ZNF292: variants seen among roughly 807,000 people sequenced by gnomAD.
The protein encoded by ZNF292 is zinc finger protein 292.
Under a neutral mutation model 217.9 loss-of-function variants are expected in ZNF292, and 26 were observed. That is an observed-to-expected ratio of 0.12 (90% confidence interval 0.09 to 0.17). ZNF292 has a LOEUF of 0.17. Ranked by LOEUF, ZNF292 falls within the 10% of genes least tolerant of loss-of-function variation. The probability of loss-of-function intolerance (pLI) is 1.00; values close to 1 mark genes in which losing one functional copy is unlikely to be tolerated. For synonymous variants in ZNF292, 1,257 were observed against 1,124.1 expected, an observed-to-expected ratio of 1.12 and a Z score of -2.37; for missense variants, 2,904 against 3,175.2, an observed-to-expected ratio of 0.91 and a Z score of 2.05.
chr6:87,236,987 T>G (rs1014713489), intron 5 of ZNF292, among the ~76,000 whole-genome samples: 2 of 152,186 alleles, frequency 1.3e-5, no homozygotes, highest in African/African-American at 4.8e-5. Flanking sequence ...GAAGTGAAAT[T>G]GCTGGATCAA....
At chr6:87,238,079 G>T (rs1328240035) in intron 5 of ZNF292, among the ~76,000 whole-genome samples, 2 of 152,112 alleles carry the variant, frequency 1.3e-5, no homozygotes, top group Non-Finnish European at 2.9e-5. Context: ...TCATTAGTAT[G>T]CCTATGAGAA....
At chr6:87,177,007 A>G (rs7757827) in intron 1 of ZNF292, among the ~76,000 whole-genome samples, 1 of 151,420 alleles carries the variant, frequency 6.6e-6, no homozygotes, top group African/African-American at 2.4e-5. Context: ...CCGGCCCCCC[A>G]CTCCTCCCCA....
intron 1 of ZNF292, among the ~76,000 whole-genome samples, chr6:87,160,988 TC>T (rs1770733381): frequency 6.6e-6 from 1 of 152,138 alleles, no homozygotes; most frequent in Admixed American, 6.5e-5. Flanking sequence ...TTTTAGTCCT[TC>T]TACTCTTTTC....
At chr6:87,213,034 C>T (rs1310489600) in intron 1 of ZNF292, among the ~76,000 whole-genome samples, 2 of 152,084 alleles carry the variant, frequency 1.3e-5, no homozygotes, top group Admixed American at 6.5e-5. Flanking sequence ...GGAGAAATGG[C>T]ATACAGATTT....
At position 87,224,457 on chromosome 6, in the gene ZNF292, A is replaced by C. The variant is rs192967227; in HGVS notation, c.538+5726A>C. On this transcript the variant is annotated intron_variant, in intron 4 of 7. Transcript: ENST00000369577. Reference sequence around the variant, plus strand: ...TAGTAGTTTCACTCCCTAAAAAAAAAAACAACAAAAAAACTGTGTTTCATC... The same window carrying C: ...TAGTAGTTTCACTCCCTAAAAAAAACAACAACAAAAAAACTGTGTTTCATC... 9.1e-4 allele frequency among the ~76,000 whole-genome samples: 138 copies of C among 151,852 alleles called. No individual in the cohort carries two copies. In the East Asian group the frequency reaches 0.023, roughly 25 times the overall value.
intron 7 of ZNF292, among the ~76,000 whole-genome samples, chr6:87,247,891 C>T (rs1774684977): frequency 6.6e-6 from 1 of 152,112 alleles, no homozygotes; most frequent in Non-Finnish European, 1.5e-5. Context: ...TGGAAATAAA[C>T]ATACATAGTT....
intron 7 of ZNF292, among the ~76,000 whole-genome samples, chr6:87,246,821 G>A (rs546720584): frequency 3.3e-5 from 5 of 152,140 alleles, no homozygotes; most frequent in Admixed American, 6.5e-5. Context: ...GCACCACTGC[G>A]CTCCAGCCTG....
chr6:87,178,485 T>A lies in ZNF292; in HGVS notation c.168+22726T>A, dbSNP rs1440608767. Among the ~76,000 whole-genome samples the A allele has an allele frequency of 2.0e-5, 3 of 152,248 alleles. No homozygotes were observed. In the East Asian group the frequency reaches 5.8e-4, roughly 29 times the overall value. On this transcript the variant is annotated intron_variant, in intron 1 of 7. Coordinates refer to ENST00000369577, the MANE Select transcript of ZNF292 (RefSeq NM_015021.3). Reference sequence around the variant, plus strand: ...ATTCAGTTTGATCAAACAGTTCTTATAAAGCAAATGTGAGTGTATAATAAG... The same window carrying A: ...ATTCAGTTTGATCAAACAGTTCTTAAAAAGCAAATGTGAGTGTATAATAAG...
At chr6:87,180,358 C>T (rs1771437472) in intron 1 of ZNF292, among the ~76,000 whole-genome samples, 1 of 152,210 alleles carries the variant, frequency 6.6e-6, no homozygotes. Context: ...TTTCTTCTTA[C>T]TGTGAATGCA....
Position 87,254,634 on chromosome 6 carries a change from A to G in ZNF292, c.1021-16A>G, listed in dbSNP as rs774058339. The G allele has an allele frequency of 2.1e-5, 33 of 1,562,846 alleles. No individual in the cohort carries two copies. The Middle Eastern group carries it at 5.2e-4, about 24-fold the overall frequency. On this transcript the variant is annotated splice_polypyrimidine_tract_variant and intron_variant, in intron 7 of 7. Transcript: ENST00000369577. The stretch of plus-strand genomic sequence containing the variant: ...AGTGTAGATTAAATTAACATTTCCT[A>G]TTTGCTTTTTCACAGACTGAAGGGG...
chr6:87,197,427 T>G (rs887706059), intron 1 of ZNF292, among the ~76,000 whole-genome samples: 1,626 of 151,888 alleles, frequency 0.011, 25 homozygotes, highest in African/African-American at 0.033. Flanking sequence ...TTGGGTTTTT[T>G]TTTTTTTTTT....
chr6:87,214,350 T>G (rs1391179120), intron 1 of ZNF292, among the ~76,000 whole-genome samples: 6 of 152,114 alleles, frequency 3.9e-5, no homozygotes, highest in African/African-American at 1.4e-4. Flanking sequence ...ACCTTTGGGT[T>G]TCATGTGGAT....
At chr6:87,192,480 A>T (rs1484979226) in intron 1 of ZNF292, among the ~76,000 whole-genome samples, 5 of 152,004 alleles carry the variant, frequency 3.3e-5, no homozygotes, top group African/African-American at 4.8e-5. Context: ...TATACACTGT[A>T]ATTTTTCACA....
At chr6:87,177,082 C>T (rs9294375) in intron 1 of ZNF292, among the ~76,000 whole-genome samples, 60,764 of 151,766 alleles carry the variant, frequency 0.4, 12,520 homozygotes, top group Admixed American at 0.53. Flanking sequence ...AATCCCAGCA[C>T]TTTGGGAGGC....
rs916434022 is a variant in ZNF292 at position 87,262,546 on chromosome 6, A to C, written c.*745A>C. 3 of 151,686 alleles carry C rather than the reference A, an allele frequency of 2.0e-5. No individual in the cohort carries two copies. Among genetic ancestry groups the C allele is most frequent in the Admixed American group, 2.0e-4 (3 of 15,196 alleles). 9.4% of individuals were successfully genotyped at this position (151,686 alleles called of 1,614,324 possible). A position where few individuals can be genotyped will look rare whatever the true frequency, so the allele number is the denominator to read the frequency against. ...TCATTGCTTCTAATTGGATATAGTT[A>C]CTATGAGTCCATGAAATACAATGGA... is the stretch of plus-strand genomic sequence containing the variant. On this transcript the variant is annotated 3_prime_UTR_variant, in exon 8 of 8. Coordinates refer to ENST00000369577, the MANE Select transcript of ZNF292 (RefSeq NM_015021.3).
rs370815496 is a variant in ZNF292, at chr6:87,216,031, A to G, written c.297A>G (p.Val99=). 3.8e-6 allele frequency: 6 copies of G among 1,572,032 alleles called. No individual in the cohort carries two copies. Among genetic ancestry groups the G allele is most frequent in the Non-Finnish European group, 5.1e-6 (6 of 1,165,926 alleles). Residue 99 remains valine, a synonymous_variant, in exon 2 of 8, where the codon GTA becomes GTG. Coordinates refer to ENST00000369577, the MANE Select transcript of ZNF292 (RefSeq NM_015021.3). ...ATCTTACCTCTGAATGTGAAAATGT[A>G]GCCTTGGTTCTGGAACGCTTGGCAT... ...RPYLTSECEN[V]ALVLERLALS...
chr6:87,161,712 A>G, intron 1 of ZNF292, among the ~76,000 whole-genome samples: 1 of 152,224 alleles, frequency 6.6e-6, no homozygotes, highest in East Asian at 1.9e-4. Context: ...CACTGCACCC[A>G]GCCTGGTTTT....
chr6:87,245,482 T>A, intron 6 of ZNF292, 21 bp from the exon 7 acceptor site: 1 of 1,472,698 alleles, frequency 6.8e-7, no homozygotes, highest in East Asian at 2.5e-5. Context: ...ACTTTTCTTA[T>A]TATAACTTTT....
chr6:87,216,829 G>A (rs541049125), intron 3 of ZNF292, among the ~76,000 whole-genome samples: 1 of 152,120 alleles, frequency 6.6e-6, no homozygotes, highest in Admixed American at 6.5e-5. Flanking sequence ...GTCTAGCTAA[G>A]ATCACATAGT....
Sources: allele counts gnomAD v4.1 joint callset (sites outside exome capture counted in the v4.1 genomes callset), GRCh38; gene constraint gnomAD v4.1.1; transcripts MANE v1.5; gene names NCBI Gene and HGNC (gene_info 2026-07-23, HGNC 2026-07-21).